TRAPPC9: variants seen among roughly 807,000 people sequenced by gnomAD.
TRAPPC9 encodes the protein trafficking protein particle complex subunit 9.
Under a neutral mutation model 124.0 loss-of-function variants are expected in TRAPPC9, and 83 were observed. The observed-to-expected ratio is 0.67, with a 90% confidence interval of 0.56 to 0.80. TRAPPC9 has a LOEUF of 0.80. Among genes scored for constraint, TRAPPC9 ranks in the 30% least tolerant of loss-of-function variants. TRAPPC9 has a pLI of 0.00. For missense variants in TRAPPC9, 1,302 were observed against 1,508.3 expected (o/e 0.86, Z 2.27); for synonymous variants, 638 against 617.5 (o/e 1.03, Z -0.49).
chr8:139,961,854 T>C (rs36195126), intron 19 of TRAPPC9, among the ~76,000 whole-genome samples: 97,136 of 121,768 alleles, frequency 0.8, 43,827 homozygotes, highest in East Asian at 0.98. Context: ...TCAGCCAGGG[T>C]AGAAGAGAGG....
At chr8:139,754,006 A>G (rs1819532908) in intron 21 of TRAPPC9, among the ~76,000 whole-genome samples, 1 of 152,206 alleles carries the variant, frequency 6.6e-6, no homozygotes, top group Non-Finnish European at 1.5e-5. Context: ...AATCAAACTG[A>G]CTTCATCTTG....
intron 21 of TRAPPC9, among the ~76,000 whole-genome samples, chr8:139,883,821 C>A (rs1252987869): frequency 6.6e-6 from 1 of 152,236 alleles, no homozygotes; most frequent in Non-Finnish European, 1.5e-5. Context: ...GTGCTCCCGG[C>A]TCTGCTCACT....
At chr8:140,271,934 G>C (rs2064898721) in intron 15 of TRAPPC9, among the ~76,000 whole-genome samples, 1 of 151,880 alleles carries the variant, frequency 6.6e-6, no homozygotes, top group Non-Finnish European at 1.5e-5. Context: ...GATGGTGGTA[G>C]TGGTAGCAGC....
Position 140,278,197 on chromosome 8 carries a change from G to A in TRAPPC9, c.2115-2376C>T, listed in dbSNP as rs369408806. On this transcript the variant is annotated intron_variant, in intron 14 of 22. Transcript: ENST00000438773. The stretch of plus-strand genomic sequence containing the variant: ...CCACTCACTGCAACCTCTGCCTCCC[G>A]GGTTCAAGCGATTCTCCTGCCTCAG... Among the ~76,000 whole-genome samples, 419 of 152,086 alleles carry A rather than the reference G, an allele frequency of 2.8e-3. 2 individuals carry two copies. Among genetic ancestry groups the A allele is most frequent in the African/African-American group, 9.4e-3 (388 of 41,468 alleles).
In TRAPPC9 at chr8:140,456,737, C is replaced by T. The variant is rs181180513; in HGVS notation, c.-11+902G>A. ...GGTAGCTATGACTACCTTAGAAACA[C>T]GGGACAGTCACCAGTTTAAACTGGG... On this transcript the variant is annotated intron_variant, in intron 1 of 22. Coordinates refer to ENST00000438773, the MANE Select transcript of TRAPPC9 (RefSeq NM_001160372.4). The T allele has an allele frequency of 6.3e-6, 6 of 946,696 alleles. No individual in the cohort carries two copies. In the South Asian group the frequency reaches 1.5e-4, roughly 23 times the overall value. The allele number at this position is 946,696 out of a possible 1,614,324, so 58.6% of individuals were successfully genotyped here.
At chr8:139,756,806 CAGG>C (rs1819845737) in intron 21 of TRAPPC9, among the ~76,000 whole-genome samples, 1 of 129,764 alleles carries the variant, frequency 7.7e-6, no homozygotes, top group African/African-American at 3.0e-5. Flanking sequence ...CAGCATGTCG[CAGG>C]AGGAGCCAGG....
At chr8:140,158,713 C>T (rs1484065787) in intron 17 of TRAPPC9, among the ~76,000 whole-genome samples, 3 of 152,176 alleles carry the variant, frequency 2.0e-5, no homozygotes, top group Non-Finnish European at 2.9e-5. Flanking sequence ...AGCTGAGCAG[C>T]ATCTGTGCTC....
Position 140,413,998 on chromosome 8 carries a change from T to C in TRAPPC9, c.887-8300A>G, listed in dbSNP as rs570717332. Among the ~76,000 whole-genome samples the C allele has an allele frequency of 3.9e-5, 6 of 152,190 alleles. No individual in the cohort carries two copies. In the South Asian group the frequency reaches 1.0e-3, roughly 26 times the overall value. ...GTGTGCATGTGTCTTTATAGCAGCA[T>C]GATTTATAGTCCTTTGGGTATATAC... On this transcript the variant is annotated intron_variant, in intron 5 of 22. Coordinates refer to ENST00000438773, the MANE Select transcript of TRAPPC9 (RefSeq NM_001160372.4).
intron 2 of TRAPPC9, among the ~76,000 whole-genome samples, chr8:140,440,834 C>A (rs985253723): frequency 2.0e-5 from 3 of 152,160 alleles, no homozygotes; most frequent in African/African-American, 7.2e-5. Flanking sequence ...AGTCCCCCAA[C>A]CTCAGGCTCT....
At chr8:140,072,534 GGAGGAGGAGGAGGAA>G (rs1489403326) in intron 17 of TRAPPC9, among the ~76,000 whole-genome samples, 4 of 130,818 alleles carry the variant, frequency 3.1e-5, no homozygotes, top group Non-Finnish European at 4.9e-5. Flanking sequence ...AAAAGGAGGA[GGAGGAGGAGGAGGAA>G]GAGGAGGAGG....
intron 15 of TRAPPC9, among the ~76,000 whole-genome samples, chr8:140,271,655 A>T (rs1398480955): frequency 6.6e-6 from 1 of 152,244 alleles, no homozygotes; most frequent in Non-Finnish European, 1.5e-5. Context: ...CAACTTCACC[A>T]ATCATCGGGG....
chr8:139,883,987 T>C (rs1049902934), intron 21 of TRAPPC9, among the ~76,000 whole-genome samples: 2 of 152,186 alleles, frequency 1.3e-5, no homozygotes, highest in African/African-American at 4.8e-5. Flanking sequence ...CAATCTGACA[T>C]GCTGCACCAG....
chr8:140,355,038 CTAAG>C (rs1043105300), intron 9 of TRAPPC9, among the ~76,000 whole-genome samples: 3 of 152,206 alleles, frequency 2.0e-5, no homozygotes, highest in Non-Finnish European at 4.4e-5. Flanking sequence ...TCCTTTTAAA[CTAAG>C]TGTCTTTAAA....
At chr8:140,270,450 C>T (rs759651745) in intron 15 of TRAPPC9, among the ~76,000 whole-genome samples, 3 of 152,190 alleles carry the variant, frequency 2.0e-5, no homozygotes, top group Non-Finnish European at 2.9e-5. Context: ...ACCAATTACT[C>T]GGTACTGAGC....
At chr8:140,121,434 C>G (rs998394459) in intron 17 of TRAPPC9, among the ~76,000 whole-genome samples, 1 of 152,170 alleles carries the variant, frequency 6.6e-6, no homozygotes, top group African/African-American at 2.4e-5. Flanking sequence ...GGGGAAATCA[C>G]AGTCAGATTG....
At chr8:140,179,848 G>A (rs1212967731) in intron 17 of TRAPPC9, among the ~76,000 whole-genome samples, 1 of 151,880 alleles carries the variant, frequency 6.6e-6, no homozygotes, top group Non-Finnish European at 1.5e-5. Flanking sequence ...AATACTACTG[G>A]TCAACTTTGT....
chr8:139,863,679 G>A (rs988055426), intron 21 of TRAPPC9, among the ~76,000 whole-genome samples: 2 of 152,210 alleles, frequency 1.3e-5, no homozygotes, highest in African/African-American at 2.4e-5. Flanking sequence ...ATCCAGAATC[G>A]CTGTTCCCGC....
chr8:139,910,427 A>G, intron 19 of TRAPPC9, 127 bp from the exon 20 acceptor site: 1 of 1,021,976 alleles, frequency 9.8e-7, no homozygotes, highest in Non-Finnish European at 1.5e-6. Flanking sequence ...TTCATAACGG[A>G]TTCATTCCAA....
rs146188328 is a variant in TRAPPC9 at position 139,828,032 on chromosome 8, C to T, written c.3055+57847G>A. Among the ~76,000 whole-genome samples, 407 of 152,308 alleles carry T rather than the reference C, an allele frequency of 2.7e-3. 1 individual carries two copies. Among genetic ancestry groups the T allele is most frequent in the African/African-American group, 9.2e-3 (381 of 41,576 alleles). On this transcript the variant is annotated intron_variant, in intron 21 of 22. Coordinates refer to ENST00000438773, the MANE Select transcript of TRAPPC9 (RefSeq NM_001160372.4). ...GCCACACGTGAGGAATCCACCCCCA[C>T]GATCCAAACACCTCCCACCAGGCCC...
Sources: allele counts gnomAD v4.1 joint callset (sites outside exome capture counted in the v4.1 genomes callset), GRCh38; gene constraint gnomAD v4.1.1; transcripts MANE v1.5; gene names NCBI Gene and HGNC (gene_info 2026-07-23, HGNC 2026-07-21).